Variants in EPB41L3 observed in about 807,000 individuals in gnomAD.
The protein encoded by EPB41L3 is erythrocyte membrane protein band 4.1 like 3, also known as band 4.1-like protein 3.
EPB41L3 carries 57 observed loss-of-function variants against 127.1 expected under a neutral mutation model. That is an observed-to-expected ratio of 0.45 (90% CI 0.36 to 0.56). EPB41L3 has a LOEUF of 0.56. Among genes scored for constraint, EPB41L3 ranks in the 20% least tolerant of loss-of-function variants. The pLI, the probability that EPB41L3 is intolerant of heterozygous loss-of-function variation, is 0.00. For missense variants in EPB41L3, 1,273 were observed against 1,372.2 expected (o/e 0.93, Z 1.14); for synonymous variants, 572 against 549.5 (o/e 1.04, Z -0.57).
chr18:5,541,749 T>C (rs1449239845), intron 1 of EPB41L3, among the ~76,000 whole-genome samples: 2 of 152,194 alleles, frequency 1.3e-5, no homozygotes, highest in African/African-American at 2.4e-5. Context: ...GCAGAAGAAA[T>C]GTCTTAAAAA....
At chr18:5,446,490 T>C (rs940111628) in intron 3 of EPB41L3, among the ~76,000 whole-genome samples, 3 of 152,236 alleles carry the variant, frequency 2.0e-5, no homozygotes, top group Non-Finnish European at 2.9e-5. Flanking sequence ...TGTGCGCTAC[T>C]AACATTTTAC....
At chr18:5,529,757 C>T (rs1194146380) in intron 1 of EPB41L3, among the ~76,000 whole-genome samples, 1 of 152,142 alleles carries the variant, frequency 6.6e-6, no homozygotes, top group Non-Finnish European at 1.5e-5. Context: ...GCTTCTATGG[C>T]TTTCATTACC....
intron 3 of EPB41L3, among the ~76,000 whole-genome samples, chr18:5,455,465 A>G (rs1227117825): frequency 6.6e-6 from 1 of 152,234 alleles, no homozygotes; most frequent in Admixed American, 6.5e-5. Context: ...TATGCATTGT[A>G]AGCCATATAG....
upstream of EPB41L3, among the ~76,000 whole-genome samples, chr18:5,548,031 T>A (rs2093909445): frequency 6.6e-6 from 1 of 152,210 alleles, no homozygotes; most frequent in Non-Finnish European, 1.5e-5. Flanking sequence ...TTTGGCCTCA[T>A]TTATTCAACC....
intron 3 of EPB41L3, among the ~76,000 whole-genome samples, chr18:5,585,883 TTCATCCCTCTGCCAGTGGCC>T (rs2094437613): frequency 6.6e-6 from 1 of 152,126 alleles, no homozygotes; most frequent in South Asian, 2.1e-4. Flanking sequence ...TGCCAGTGGC[TTCATCCCTCTGCCAGTGGCC>T]TCATCCCTCG....
chr18:5,453,812 T>A (rs925476281), intron 3 of EPB41L3, among the ~76,000 whole-genome samples: 6 of 152,336 alleles, frequency 3.9e-5, no homozygotes, highest in African/African-American at 1.2e-4. Context: ...ATTCGATCTA[T>A]GTGTCTAAGA....
chr18:5,433,976 T>C lies in EPB41L3; in HGVS notation c.751A>G (p.Ser251Gly), dbSNP rs759259984. Residue 251 changes from serine to glycine, a missense_variant, in exon 7 of 23, where the codon AGT (serine) becomes GGT (glycine). Ser to Gly is a moderately conservative substitution (Grantham distance 56). Transcript: ENST00000341928. ...DPDECGSDYI[S>G]EFRFAPNHTK... is the part of the protein sequence containing the mutation. ...TGGTTTGGTGCAAAGCGGAACTCACTAATGTAATCGCTCCCACATTCATCT... is the reference window on the plus strand; with the variant it reads ...TGGTTTGGTGCAAAGCGGAACTCACCAATGTAATCGCTCCCACATTCATCT... 1 of 1,614,196 alleles carries C rather than the reference T, an allele frequency of 6.2e-7. No individual in the cohort carries two copies. The highest frequency in any genetic ancestry group is 8.5e-7 in the Non-Finnish European group (1 of 1,180,048).
At chr18:5,556,859 AAAT>A (rs1173631399) in intron 3 of EPB41L3, among the ~76,000 whole-genome samples, 1 of 152,294 alleles carries the variant, frequency 6.6e-6, no homozygotes, top group East Asian at 1.9e-4. Flanking sequence ...GGATTAAATG[AAAT>A]AATTCATGAA....
intron 3 of EPB41L3, among the ~76,000 whole-genome samples, chr18:5,470,226 G>A (rs567931572): frequency 6.6e-6 from 1 of 152,146 alleles, no homozygotes; most frequent in Non-Finnish European, 1.5e-5. Context: ...AGGAGAAAAG[G>A]TCATTCCCAA....
chr18:5,527,022 A>C (rs549306240), intron 1 of EPB41L3, among the ~76,000 whole-genome samples: 7 of 152,258 alleles, frequency 4.6e-5, no homozygotes, highest in Admixed American at 2.6e-4. Flanking sequence ...AAAAAAAAAA[A>C]AAAACTGTTT....
At chr18:5,467,736 CTG>C (rs983080507) in intron 3 of EPB41L3, among the ~76,000 whole-genome samples, 2 of 152,228 alleles carry the variant, frequency 1.3e-5, no homozygotes, top group African/African-American at 4.8e-5. Context: ...GCTTCATAAA[CTG>C]TGAAGTAGAT....
intron 1 of EPB41L3, among the ~76,000 whole-genome samples, chr18:5,510,721 A>G (rs746577385): frequency 2.6e-5 from 4 of 152,206 alleles, no homozygotes; most frequent in Admixed American, 6.5e-5. Context: ...AGAGAGCAGC[A>G]GTTTTTAGCT....
chr18:5,536,994 G>T (rs1056364070), intron 1 of EPB41L3, among the ~76,000 whole-genome samples: 11 of 152,192 alleles, frequency 7.2e-5, no homozygotes, highest in African/African-American at 2.7e-4. Flanking sequence ...ACCAGATACT[G>T]TGCTCAGTGT....
At chr18:5,483,968 C>T (rs950720480) in intron 2 of EPB41L3, among the ~76,000 whole-genome samples, 1 of 150,076 alleles carries the variant, frequency 6.7e-6, no homozygotes, top group Non-Finnish European at 1.5e-5. Flanking sequence ...ATCTAACAGG[C>T]CTAACCAACA....
chr18:5,609,878 AC>A (rs2094705936), intron 3 of EPB41L3, among the ~76,000 whole-genome samples: 2 of 152,132 alleles, frequency 1.3e-5, no homozygotes, highest in South Asian at 4.1e-4. Flanking sequence ...CAAAAAAAAA[AC>A]AACAGCTAAA....
chr18:5,626,673 T>C (rs1192381964), intron 1 of EPB41L3, among the ~76,000 whole-genome samples: 2 of 152,242 alleles, frequency 1.3e-5, no homozygotes, highest in Admixed American at 1.3e-4. Context: ...TGAAAATTAC[T>C]ATTCTCCTTA....
intron 10 of EPB41L3, among the ~76,000 whole-genome samples, chr18:5,424,035 A>T (rs910889886): frequency 4.6e-5 from 7 of 152,172 alleles, no homozygotes; most frequent in Admixed American, 6.5e-5. Flanking sequence ...CACACTAAAG[A>T]TACTAAAGAA....
intron 1 of EPB41L3, among the ~76,000 whole-genome samples, chr18:5,531,439 T>C (rs973900272): frequency 6.6e-5 from 10 of 152,084 alleles, no homozygotes; most frequent in African/African-American, 1.7e-4. Context: ...AAAAAGACTA[T>C]AGGTTGGGCA....
At chr18:5,471,022 A>C (rs1409784717) in intron 3 of EPB41L3, among the ~76,000 whole-genome samples, 5 of 152,106 alleles carry the variant, frequency 3.3e-5, no homozygotes, top group Non-Finnish European at 1.5e-5. Flanking sequence ...CTGGACTCTG[A>C]GGAGTAGAAA....
Sources: gnomAD v4.1 joint callset for allele counts (sites outside exome capture counted in the v4.1 genomes callset) on GRCh38, gnomAD v4.1.1 for gene constraint, MANE v1.5 for transcripts, NCBI Gene and HGNC (gene_info 2026-07-23, HGNC 2026-07-21) for gene names.